JAKMIP1: variants seen among roughly 807,000 people sequenced by gnomAD.
JAKMIP1 encodes the protein janus kinase and microtubule interacting protein 1.
Under a neutral mutation model 113.0 loss-of-function variants are expected in JAKMIP1, and 33 were observed. The ratio of observed to expected loss-of-function variants is 0.29; its 90% CI spans 0.22 to 0.39. The LOEUF (loss-of-function observed/expected upper bound fraction) is 0.39, where lower values mean the gene tolerates loss of function less well. JAKMIP1 is among the 10% of genes least tolerant of loss of function. The pLI is 1.00. For synonymous variants in JAKMIP1, 480 were observed against 459.9 expected (o/e 1.04, Z -0.56); for missense variants, 813 against 1,080.5 (o/e 0.75, Z 3.47).
In JAKMIP1 at chr4:6,056,680, G is replaced by T; in HGVS notation, c.1707+17C>A. On this transcript the variant is annotated intron_variant, in intron 12 of 20. Coordinates refer to ENST00000409021, the MANE Select transcript of JAKMIP1 (RefSeq NM_001099433.2). Reference sequence around the variant, plus strand: ...CTGCCCTGCGGCTGTGTGCTTCCCTGAGGTGGGGTCACGCACCTTTTCCAG... The same window carrying T: ...CTGCCCTGCGGCTGTGTGCTTCCCTTAGGTGGGGTCACGCACCTTTTCCAG... 6.2e-7 allele frequency: 1 copy of T among 1,606,890 alleles called. No homozygotes were observed. The highest frequency in any genetic ancestry group is 1.3e-5 in the African/African-American group (1 of 74,906).
chr4:6,144,657 A>T (rs1205742877), intron 1 of JAKMIP1, among the ~76,000 whole-genome samples: 2 of 152,270 alleles, frequency 1.3e-5, no homozygotes, highest in African/African-American at 4.8e-5. Context: ...TACAAAAAAG[A>T]CATGTTACAA....
At chr4:6,056,967 C>T (rs957443624) in intron 11 of JAKMIP1, among the ~76,000 whole-genome samples, 1 of 152,182 alleles carries the variant, frequency 6.6e-6, no homozygotes, top group Non-Finnish European at 1.5e-5. Context: ...TTCTCCACTT[C>T]GTTCACATTC....
At position 6,187,125 on chromosome 4, in the gene JAKMIP1, C is replaced by G. The variant is rs916199151; in HGVS notation, c.-148+13128G>C. Among the ~76,000 whole-genome samples, 7 of 152,190 alleles carry G rather than the reference C, an allele frequency of 4.6e-5. No individual in the cohort carries two copies. Among genetic ancestry groups the G allele is most frequent in the Non-Finnish European group, 7.3e-5 (5 of 68,038 alleles). On this transcript the variant is annotated intron_variant, in intron 1 of 20. Coordinates refer to ENST00000409021, the MANE Select transcript of JAKMIP1 (RefSeq NM_001099433.2). This position sits in a 1 kb window ranked among gnomAD's most constrained non-coding sequence, Gnocchi z 4.2. ...GATTTCAGGCATGAGCCACCATGCC[C>G]AGCCCACTTCTGTCAGTTTTTGCTT... is the stretch of plus-strand genomic sequence containing the variant.
At chr4:6,073,573 G>A (rs920920643) in intron 8 of JAKMIP1, among the ~76,000 whole-genome samples, 3 of 152,192 alleles carry the variant, frequency 2.0e-5, no homozygotes, top group African/African-American at 7.2e-5. Flanking sequence ...CATTTCACAG[G>A]CCCTCCAAAG....
Position 6,183,200 on chromosome 4 carries a change from C to T in JAKMIP1, c.-148+17053G>A, listed in dbSNP as rs796698293. Among the ~76,000 whole-genome samples, 23 of 152,276 alleles carry T rather than the reference C, an allele frequency of 1.5e-4. No individual in the cohort carries two copies. The highest frequency in any genetic ancestry group is 4.6e-4 in the Admixed American group (7 of 15,292). ...GCTGATGTCTAAAATGGAACAGGGC[C>T]AGGTGCAGTGGCTCACGCCTGTAAT... On this transcript the variant is annotated intron_variant, in intron 1 of 20. Coordinates refer to ENST00000409021, the MANE Select transcript of JAKMIP1 (RefSeq NM_001099433.2). The surrounding 1 kb of genome is among the most constrained non-coding windows in gnomAD (Gnocchi z 5.3).
rs1283412614 is a variant in JAKMIP1, at chr4:6,094,655, A to G, written c.625-9026T>C. On this transcript the variant is annotated intron_variant, in intron 3 of 20. Transcript: ENST00000409021. The surrounding 1 kb of genome is among the most constrained non-coding windows in gnomAD (Gnocchi z 4.2). The stretch of plus-strand genomic sequence containing the variant: ...CAACAGTGGCACTCTTTCAAAAATA[A>G]AGTTTTAACTCTTATTAGGAAAGGA... 6.6e-6 allele frequency among the ~76,000 whole-genome samples: 1 copy of G among 152,226 alleles called. No homozygotes were observed. The highest frequency in any genetic ancestry group is 1.5e-5 in the Non-Finnish European group (1 of 68,036).
chr4:6,064,806 A>C lies in JAKMIP1; in HGVS notation c.1431+74T>G. The C allele has an allele frequency of 6.3e-7, 1 of 1,597,878 alleles. No homozygotes were observed. Among genetic ancestry groups the C allele is most frequent in the Non-Finnish European group, 8.6e-7 (1 of 1,168,926 alleles). ...CTATAGGCAAGGGAGCGAAACTTGC[A>C]ACTATCAAAAGCAGGAGGTGCCGCC... On this transcript the variant is annotated intron_variant, in intron 9 of 20. Coordinates refer to ENST00000409021, the MANE Select transcript of JAKMIP1 (RefSeq NM_001099433.2). This position sits in a 1 kb window ranked among gnomAD's most constrained non-coding sequence, Gnocchi z 4.3.
rs1726759168 is a variant in JAKMIP1, at chr4:6,187,326, A to C, written c.-148+12927T>G. 6.6e-6 allele frequency among the ~76,000 whole-genome samples: 1 copy of C among 152,082 alleles called. No homozygotes were observed. Among genetic ancestry groups the C allele is most frequent in the South Asian group, 2.1e-4 (1 of 4,826 alleles). On this transcript the variant is annotated intron_variant, in intron 1 of 20. Coordinates refer to ENST00000409021, the MANE Select transcript of JAKMIP1 (RefSeq NM_001099433.2). The surrounding 1 kb of genome is among the most constrained non-coding windows in gnomAD (Gnocchi z 4.2). ...GCCCCTTAGCTTTCTTATGGTTGCT[A>C]TTTACCTGATATATTTTTTCTCATC...
chr4:6,158,164 T>C lies in JAKMIP1; in HGVS notation c.-148+42089A>G, dbSNP rs543057819. Among the ~76,000 whole-genome samples the C allele has an allele frequency of 9.4e-4, 143 of 152,302 alleles. No individual in the cohort carries two copies. The highest frequency in any genetic ancestry group is 1.4e-3 in the Non-Finnish European group (92 of 68,016). On this transcript the variant is annotated intron_variant, in intron 1 of 20. Coordinates refer to ENST00000409021, the MANE Select transcript of JAKMIP1 (RefSeq NM_001099433.2). The surrounding 1 kb of genome is among the most constrained non-coding windows in gnomAD (Gnocchi z 5.3). ...GCAAGGATGGGGAGAACGGATCGCCTCACAGTGTGGAGGGCAGACCATGCT... is the reference window on the plus strand; with the variant it reads ...GCAAGGATGGGGAGAACGGATCGCCCCACAGTGTGGAGGGCAGACCATGCT...
chr4:6,109,417 G>A (rs937193335), intron 2 of JAKMIP1, among the ~76,000 whole-genome samples: 1 of 151,872 alleles, frequency 6.6e-6, no homozygotes, highest in African/African-American at 2.4e-5. Context: ...ACAGGCATGA[G>A]CCACTGCGGA....
chr4:6,166,987 A>G (rs1422839847), intron 1 of JAKMIP1, among the ~76,000 whole-genome samples: 4 of 151,882 alleles, frequency 2.6e-5, no homozygotes, highest in African/African-American at 4.8e-5. Flanking sequence ...GTCATTCAGA[A>G]TAGGGGTTAT....
Position 6,106,002 on chromosome 4 carries a change from C to G in JAKMIP1, c.130-35G>C. 8.8e-7 allele frequency: 1 copy of G among 1,139,524 alleles called. No individual in the cohort carries two copies. The highest frequency in any genetic ancestry group is 1.5e-5 in the South Asian group (1 of 67,434). 70.6% of individuals were successfully genotyped at this position (1,139,524 alleles called of 1,614,324 possible). Reference sequence around the variant, plus strand: ...GAGCGGCGAGAGAGCCGGTCAGGGTCAGGGTCAGGGTCAGGGTCAGGGTCA... The same window carrying G: ...GAGCGGCGAGAGAGCCGGTCAGGGTGAGGGTCAGGGTCAGGGTCAGGGTCA... On this transcript the variant is annotated intron_variant, in intron 2 of 20. Coordinates refer to ENST00000409021, the MANE Select transcript of JAKMIP1 (RefSeq NM_001099433.2). The surrounding 1 kb of genome is among the most constrained non-coding windows in gnomAD (Gnocchi z 5.9).
Position 6,105,866 on chromosome 4 carries a change from A to G in JAKMIP1, c.231T>C (p.His77=), listed in dbSNP as rs1170472411. ...CCTGCAGCTCCTTGGTCTTCTCCTC[A>G]TGCAGCTTGGCCTTGAGCTCCGAAA... The part of the protein sequence containing the change: ...AYISELKAKL[H]EEKTKELQAL... The change falls in exon 3 of 21, where the codon CAT becomes CAC. Residue 77 remains histidine, a synonymous_variant. Transcript: ENST00000409021. The G allele has an allele frequency of 1.2e-6, 2 of 1,611,994 alleles. No homozygotes were observed. Among genetic ancestry groups the G allele is most frequent in the Non-Finnish European group, 1.7e-6 (2 of 1,179,830 alleles).
intron 3 of JAKMIP1, among the ~76,000 whole-genome samples, chr4:6,104,288 G>A (rs1272379376): frequency 6.6e-6 from 1 of 152,196 alleles, no homozygotes; most frequent in East Asian, 1.9e-4. Context: ...GCTGAGAGAA[G>A]CGTGTTCGTC....
At chr4:6,125,670 C>A (rs1036842308) in intron 1 of JAKMIP1, among the ~76,000 whole-genome samples, 3 of 122,996 alleles carry the variant, frequency 2.4e-5, no homozygotes, top group Non-Finnish European at 3.4e-5. Context: ...ACACACACAC[C>A]ATACACACCA....
rs141572234 is a variant in JAKMIP1, at chr4:6,094,293, G to T, written c.625-8664C>A. On this transcript the variant is annotated intron_variant, in intron 3 of 20. Transcript: ENST00000409021. The surrounding 1 kb of genome is among the most constrained non-coding windows in gnomAD (Gnocchi z 4.2). ...CCGGAAAATATATAGCCTCTCTTCC[G>T]TAATTTTCTGGCAAAAAAAGAAAGA... Among the ~76,000 whole-genome samples the T allele has an allele frequency of 6.6e-6, 1 of 152,152 alleles. No homozygotes were observed. The highest frequency in any genetic ancestry group is 2.4e-5 in the African/African-American group (1 of 41,432).
At chr4:6,165,244 A>G (rs1723478893) in intron 1 of JAKMIP1, among the ~76,000 whole-genome samples, 1 of 152,248 alleles carries the variant, frequency 6.6e-6, no homozygotes, top group East Asian at 1.9e-4. Flanking sequence ...TTGAAAGCTC[A>G]GATAGTCATC....
chr4:6,080,342 G>A lies in JAKMIP1; in HGVS notation c.1102-30C>T. 1 of 1,609,028 alleles carries A rather than the reference G, an allele frequency of 6.2e-7. No homozygotes were observed. Among genetic ancestry groups the A allele is most frequent in the Non-Finnish European group, 8.5e-7 (1 of 1,177,236 alleles). On this transcript the variant is annotated intron_variant, in intron 6 of 20. Coordinates refer to ENST00000409021, the MANE Select transcript of JAKMIP1 (RefSeq NM_001099433.2). This position sits in a 1 kb window ranked among gnomAD's most constrained non-coding sequence, Gnocchi z 6.0. Reference sequence around the variant, plus strand: ...AGCCACAGGGAGACAGACCACCACAGGGTTACCCGCCAACAGTGTTTGTTA... The same window carrying A: ...AGCCACAGGGAGACAGACCACCACAAGGTTACCCGCCAACAGTGTTTGTTA...
rs1714121715 is a variant in JAKMIP1 at position 6,040,100 on chromosome 4, A to G, written c.2175+539T>C. Among the ~76,000 whole-genome samples, 1 of 152,164 alleles carries G rather than the reference A, an allele frequency of 6.6e-6. No homozygotes were observed. Among genetic ancestry groups the G allele is most frequent in the South Asian group, 2.1e-4 (1 of 4,828 alleles). On this transcript the variant is annotated intron_variant, in intron 18 of 20. Coordinates refer to ENST00000409021, the MANE Select transcript of JAKMIP1 (RefSeq NM_001099433.2). This position sits in a 1 kb window ranked among gnomAD's most constrained non-coding sequence, Gnocchi z 5.8. ...AATTTCTCTCGTGCCAGGAGCACTT[A>G]GCTTTGAGTGTGAGGACACAGGAGT...
Sources: gnomAD v4.1 joint callset for allele counts (sites outside exome capture counted in the v4.1 genomes callset) on GRCh38, gnomAD v4.1.1 for gene constraint, Gnocchi (gnomAD v3.1) non-coding constraint, MANE v1.5 for transcripts, NCBI Gene and HGNC (gene_info 2026-07-23, HGNC 2026-07-21) for gene names.